AGRN: variants seen among roughly 807,000 people sequenced by gnomAD.
The protein encoded by AGRN is agrin, also known as agrin proteoglycan.
A neutral mutation model predicts 211.0 loss-of-function variants in AGRN; 106 were observed. That is an observed-to-expected ratio of 0.50 (90% CI 0.43 to 0.59). The LOEUF (loss-of-function observed/expected upper bound fraction) is 0.59, where lower values mean the gene tolerates loss of function less well. Among genes scored for constraint, AGRN ranks in the 20% least tolerant of loss-of-function variants. The pLI, the probability that AGRN is intolerant of heterozygous loss-of-function variation, is 0.00. For missense variants in AGRN, 3,040 were observed against 2,982.6 expected (o/e 1.02, Z -0.45); for synonymous variants, 1,525 against 1,332.5 (o/e 1.14, Z -3.15).
intron 19 of AGRN, 159 bp downstream of exon 19, chr1:1,047,116 C>T: frequency 7.2e-7 from 1 of 1,390,150 alleles, no homozygotes; most frequent in Non-Finnish European, 9.6e-7. Flanking sequence ...TAACCCGTCT[C>T]TCTCGTTGCA....
At position 1,055,299 on chromosome 1, in the gene AGRN, C is replaced by T; in HGVS notation, c.*318C>T. The T allele has an allele frequency of 4.8e-6, 2 of 419,712 alleles. No homozygotes were observed. Among genetic ancestry groups the T allele is most frequent in the South Asian group, 4.1e-5 (2 of 48,452 alleles). The allele number at this position is 419,712 out of a possible 1,614,324, so 26.0% of individuals were successfully genotyped here. Reference sequence around the variant, plus strand: ...CCCGGCTCCTGAATCACCCTCGCTCCGTCAGGCGGGACTCGTGTCCCAGAG... The same window carrying T: ...CCCGGCTCCTGAATCACCCTCGCTCTGTCAGGCGGGACTCGTGTCCCAGAG... On this transcript the variant is annotated 3_prime_UTR_variant, in exon 36 of 36. Coordinates refer to ENST00000379370, the MANE Select transcript of AGRN (RefSeq NM_198576.4).
rs76467416 is a variant in AGRN at position 1,031,620 on chromosome 1, C to T, written c.464-3657C>T. ...CCAGTGTCGGCCTGGGGCAGCCAGG[C>T]CCCCCACGTGACTTTCAGCTTGTTG... On this transcript the variant is annotated intron_variant, in intron 2 of 35. Coordinates refer to ENST00000379370, the MANE Select transcript of AGRN (RefSeq NM_198576.4). This position sits in a 1 kb window ranked among gnomAD's most constrained non-coding sequence, Gnocchi z 4.8. Among the ~76,000 whole-genome samples the T allele has an allele frequency of 0.012, 1,769 of 152,274 alleles. 15 individuals carry two copies. The highest frequency in any genetic ancestry group is 0.019 in the Non-Finnish European group (1,299 of 68,000).
intron 12 of AGRN, among the ~76,000 whole-genome samples, 187 bp from the exon 13 acceptor site, chr1:1,044,974 A>G (rs1280766631): frequency 2.6e-5 from 4 of 152,182 alleles, no homozygotes; most frequent in African/African-American, 4.8e-5. Context: ...CTGCATTTAC[A>G]GACATGTTCT....
chr1:1,029,565 A>T (rs180829477), intron 2 of AGRN, among the ~76,000 whole-genome samples: 1 of 152,258 alleles, frequency 6.6e-6, no homozygotes, highest in East Asian at 1.9e-4. Context: ...GGTGCTGGGC[A>T]GGCCAGGAAT....
rs186574226 is a variant in AGRN, at chr1:1,049,785, C to G, written c.4734C>G (p.Pro1578=). 25 of 1,594,448 alleles carry G rather than the reference C, an allele frequency of 1.6e-5. No individual in the cohort carries two copies. The highest frequency in any genetic ancestry group is 2.1e-5 in the Non-Finnish European group (25 of 1,171,258). ...EAGRFHCQCP[P]GRVGPTCADE... ...GAAGGTTCCATTGCCAGTGCCCGCC[C>G]GGCCGCGTCGGTGAGGGTGGGGCCG... is the stretch of plus-strand genomic sequence containing the variant. Residue 1578 remains proline (P), a synonymous_variant, in exon 26 of 36, where the codon CCC becomes CCG. Coordinates refer to ENST00000379370, the MANE Select transcript of AGRN (RefSeq NM_198576.4).
Position 1,048,470 on chromosome 1 carries a change from C to T in AGRN, c.4105+105C>T, listed in dbSNP as rs368616702. The T allele has an allele frequency of 3.6e-5, 36 of 997,134 alleles. No individual in the cohort carries two copies. Among genetic ancestry groups the T allele is most frequent in the African/African-American group, 3.3e-4 (20 of 60,802 alleles). 61.8% of individuals were successfully genotyped at this position (997,134 alleles called of 1,614,324 possible). A position where few individuals can be genotyped will look rare whatever the true frequency, so the allele number is the denominator to read the frequency against. On this transcript the variant is annotated intron_variant, in intron 23 of 35. Coordinates refer to ENST00000379370, the MANE Select transcript of AGRN (RefSeq NM_198576.4). This position sits in a 1 kb window ranked among gnomAD's most constrained non-coding sequence, Gnocchi z 5.9. ...AGGCTTTGAGTTGGGGGCAGGAGCC[C>T]GGATTAAGGCGGGGTTTCGGCCAGA...
intron 12 of AGRN, among the ~76,000 whole-genome samples, chr1:1,044,767 G>A (rs1323593459): frequency 2.0e-5 from 3 of 152,190 alleles, no homozygotes; most frequent in Non-Finnish European, 4.4e-5. Flanking sequence ...AGTGGTGCCC[G>A]GTGTGTGTGA....
At position 1,043,961 on chromosome 1, in the gene AGRN, G is replaced by A. The variant is rs755605232; in HGVS notation, c.1937G>A (p.Arg646Gln). The A allele has an allele frequency of 8.5e-5, 137 of 1,605,674 alleles. No homozygotes were observed. The highest frequency in any genetic ancestry group is 1.1e-4 in the Non-Finnish European group (127 of 1,178,730). Residue 646 changes from arginine to glutamine, a missense_variant, in exon 10 of 36, where the codon CGG becomes CAG. This residue lies in a region of AGRN where 1,498 missense variants were observed against 1,457.8 expected (regional missense o/e 1.03). Coordinates refer to ENST00000379370, the MANE Select transcript of AGRN (RefSeq NM_198576.4). ...ACCTACGGCAGTGCCTGCGAGCTAC[G>A]GGAAGCCGCCTGCCTCCAGCAGACA... Reference protein sequence around the residue: ...GVTYGSACELREAACLQQTQI... With the variant: ...GVTYGSACELQEAACLQQTQI...
chr1:1,047,380 C>A lies in AGRN; in HGVS notation c.3442C>A (p.Leu1148Met). 1 of 1,611,510 alleles carries A rather than the reference C, an allele frequency of 6.2e-7. No individual in the cohort carries two copies. Among genetic ancestry groups the A allele is most frequent in the Non-Finnish European group, 8.5e-7 (1 of 1,179,032 alleles). Residue 1148 changes from leucine (L) to methionine (M), a missense_variant, in exon 20 of 36, where the codon CTG (leucine) becomes ATG (methionine). By Grantham distance (15) the Leu-to-Met change is conservative (BLOSUM62 2). Around this residue, in one of 3 missense-constraint regions of AGRN, gnomAD observed 1,537 missense variants for 1,505.0 expected, o/e 1.02. Coordinates refer to ENST00000379370, the MANE Select transcript of AGRN (RefSeq NM_198576.4). The part of the protein sequence containing the change: ...LELEGVEGQE[L>M]FYTPEMADPK... ...GCTGGAGGGCGTCGAGGGCCAGGAG[C>A]TGTTCTACACGCCCGAGATGGCTGA...
In AGRN at chr1:1,050,749, G is replaced by A. The variant is rs201436151; in HGVS notation, c.5165G>A (p.Gly1722Glu). The change falls in exon 30 of 36, where the codon GGA (glycine) becomes GAA (glutamate). Residue 1722 changes from glycine to glutamate, a missense_variant. Around this residue, in one of 3 missense-constraint regions of AGRN, gnomAD observed 1,537 missense variants for 1,505.0 expected, o/e 1.02. Coordinates refer to ENST00000379370, the MANE Select transcript of AGRN (RefSeq NM_198576.4). ...VIRSREPVTLGAWTRVSLERN... is the reference protein window; with the variant it reads ...VIRSREPVTLEAWTRVSLERN... ...AGGAGCAGGGAGCCAGTCACCCTGG[G>A]AGCCTGGACCAGGGTCTCACTGGAG... is the stretch of plus-strand genomic sequence containing the variant. The A allele has an allele frequency of 1.2e-6, 2 of 1,603,702 alleles. No individual in the cohort carries two copies. Among genetic ancestry groups the A allele is most frequent in the East Asian group, 2.2e-5 (1 of 44,624 alleles).
Position 1,041,336 on chromosome 1 carries a change from G to A in AGRN, c.891G>A (p.Gln297=), listed in dbSNP as rs1570193830. 1 of 1,528,246 alleles carries A rather than the reference G, an allele frequency of 6.5e-7. No homozygotes were observed. The highest frequency in any genetic ancestry group is 8.7e-7 in the Non-Finnish European group (1 of 1,144,376). 94.7% of individuals were successfully genotyped at this position (1,528,246 alleles called of 1,614,324 possible). The change falls in exon 5 of 36, where the codon CAG becomes CAA. Residue 297 remains glutamine (Q), a synonymous_variant. Coordinates refer to ENST00000379370, the MANE Select transcript of AGRN (RefSeq NM_198576.4). ...GCGCCGACTACCCCGGCGAGTGCCA[G>A]CTCCTGCGCCGCGCCTGCGCCCGCC... ...SDGADYPGEC[Q]LLRRACARQE...
chr1:1,039,815 C>T (rs1240601875), intron 3 of AGRN, among the ~76,000 whole-genome samples: 1 of 151,776 alleles, frequency 6.6e-6, no homozygotes. Context: ...CCGGGGGATG[C>T]CCAGGGAGGA....
Position 1,035,344 on chromosome 1 carries a change from G to A in AGRN, c.511+20G>A. 1 of 1,613,010 alleles carries A rather than the reference G, an allele frequency of 6.2e-7. No individual in the cohort carries two copies. The highest frequency in any genetic ancestry group is 1.1e-5 in the South Asian group (1 of 91,090). On this transcript the variant is annotated intron_variant, in intron 3 of 35. Coordinates refer to ENST00000379370, the MANE Select transcript of AGRN (RefSeq NM_198576.4). ...CTGATGGTGAGTAGGGCTGAGTTCG[G>A]GGGACCTGGATGGGCTGTGGCACTC...
intron 2 of AGRN, among the ~76,000 whole-genome samples, chr1:1,028,490 A>G (rs942108568): frequency 6.8e-6 from 1 of 146,868 alleles, no homozygotes; most frequent in Non-Finnish European, 1.5e-5. Flanking sequence ...GGGCGCCCAC[A>G]CCCACGCCAC....
intron 3 of AGRN, among the ~76,000 whole-genome samples, chr1:1,040,238 G>A (rs1459421390): frequency 6.6e-6 from 1 of 152,218 alleles, no homozygotes; most frequent in African/African-American, 2.4e-5. Context: ...CTCCGGTGCC[G>A]ATGTGGAAGG....
chr1:1,051,887 A>G, intron 33 of AGRN, 72 bp downstream of exon 33: 1 of 1,579,918 alleles, frequency 6.3e-7, no homozygotes, highest in Non-Finnish European at 8.6e-7. Flanking sequence ...CCCCCACACC[A>G]GGAGGGCCCA....
chr1:1,051,416 G>C (rs757032954), intron 31 of AGRN, 37 bp from the exon 32 acceptor site: 1 of 1,541,936 alleles, frequency 6.5e-7, no homozygotes, highest in Non-Finnish European at 8.7e-7. Context: ...GGCGGGCGGG[G>C]TGGCAGGCGG....
Position 1,046,043 on chromosome 1 carries a change from CTG to C in AGRN, c.2764_2765del (p.Val922LeufsTer137). ...GCGTGGAGGAGTCTGGCTCAGCCCA[CTG>C]TGTCTGCCCGATGCTCACCTGTCCA... ...RCVEESGSAH[C>X]VCPMLTCPEA... On this transcript the variant is annotated frameshift_variant, in exon 16 of 36. Transcript: ENST00000379370. LOFTEE classifies it high-confidence loss of function. The C allele has an allele frequency of 6.2e-7, 1 of 1,614,066 alleles. No individual in the cohort carries two copies. The highest frequency in any genetic ancestry group is 8.5e-7 in the Non-Finnish European group (1 of 1,180,026).
chr1:1,034,193 C>T (rs1291512187), intron 2 of AGRN: 3 of 985,454 alleles, frequency 3.0e-6, no homozygotes, highest in African/African-American at 1.7e-5. Flanking sequence ...GCCGCGCGCA[C>T]CGCCTCTCCG....
Sources: allele counts gnomAD v4.1 joint callset (sites outside exome capture counted in the v4.1 genomes callset), GRCh38; gene constraint gnomAD v4.1.1; regional missense constraint gnomAD v4.1.1; non-coding constraint Gnocchi (gnomAD v3.1); transcripts MANE v1.5; gene names NCBI Gene and HGNC (gene_info 2026-07-23, HGNC 2026-07-21).